The following ZNF618 variants were observed in gnomAD, a reference collection of about 807,000 sequenced individuals.
ZNF618 encodes the protein neural precursor cell expressed, developmentally down-regulated 10.
Under a neutral mutation model 103.0 loss-of-function variants are expected in ZNF618, and 34 were observed. The observed-to-expected ratio is 0.33, with a 90% CI of 0.25 to 0.44. The LOEUF is 0.44. ZNF618 is among the 20% of genes least tolerant of loss of function. The pLI is 1.00. For missense variants in ZNF618, 1,059 were observed against 1,295.4 expected (o/e 0.82, Z 2.80); for synonymous variants, 551 against 542.2 (o/e 1.02, Z -0.23).
intron 1 of ZNF618, among the ~76,000 whole-genome samples, chr9:113,877,936 C>G (rs1300401415): frequency 6.6e-6 from 1 of 151,956 alleles, no homozygotes; most frequent in African/African-American, 2.4e-5. Context: ...TTATGACATG[C>G]AACTGAATCA....
intron 13 of ZNF618, among the ~76,000 whole-genome samples, chr9:114,043,042 A>G (rs557534796): frequency 6.6e-6 from 1 of 152,260 alleles, no homozygotes; most frequent in African/African-American, 2.4e-5. Flanking sequence ...AGGTTTGTCC[A>G]TGTTCTGTGT....
At position 113,876,366 on chromosome 9, in the gene ZNF618, C is replaced by G; in HGVS notation, c.-15C>G. The G allele has an allele frequency of 1.7e-6, 2 of 1,194,816 alleles. No individual in the cohort carries two copies. The highest frequency in any genetic ancestry group is 8.3e-5 in the South Asian group (2 of 24,088). 74.0% of individuals were successfully genotyped at this position (1,194,816 alleles called of 1,614,324 possible). A position where few individuals can be genotyped will look rare whatever the true frequency, so the allele number is the denominator to read the frequency against. Reference sequence around the variant, plus strand: ...GAGCAGGACGCGCCGGGGCCGCCTCCTCCCGCACGGACCCATGAACCAGCC... The same window carrying G: ...GAGCAGGACGCGCCGGGGCCGCCTCGTCCCGCACGGACCCATGAACCAGCC... On this transcript the variant is annotated 5_prime_UTR_variant, in exon 1 of 15. Transcript: ENST00000374126.
chr9:114,056,322 T>C lies in ZNF618; in HGVS notation c.*6155T>C, dbSNP rs1347254932. 1 of 152,190 alleles carries C rather than the reference T, an allele frequency of 6.6e-6. No homozygotes were observed. Among genetic ancestry groups the C allele is most frequent in the African/African-American group, 2.4e-5 (1 of 41,462 alleles). The allele number at this position is 152,190 out of a possible 1,614,324, so 9.4% of individuals were successfully genotyped here. On this transcript the variant is annotated 3_prime_UTR_variant, in exon 15 of 15. Transcript: ENST00000374126. ...AGTAATAAAATTTAAAACTGAGCTG[T>C]TTAATGTTGCTGTTTTTACCTGTCT...
chr9:113,895,055 G>A (rs1168215084), intron 1 of ZNF618, among the ~76,000 whole-genome samples: 1 of 151,720 alleles, frequency 6.6e-6, no homozygotes, highest in Non-Finnish European at 1.5e-5. Flanking sequence ...TTGTAATCAA[G>A]TATGATATTT....
intron 10 of ZNF618, among the ~76,000 whole-genome samples, chr9:114,023,714 A>AT (rs1421197205): frequency 2.0e-5 from 3 of 151,748 alleles, no homozygotes; most frequent in African/African-American, 7.2e-5. Flanking sequence ...TTTTTGAAGG[A>AT]TTTTTTTTCT....
At chr9:113,929,275 A>G (rs1445520551) in intron 1 of ZNF618, among the ~76,000 whole-genome samples, 2 of 152,150 alleles carry the variant, frequency 1.3e-5, no homozygotes, top group Non-Finnish European at 2.9e-5. Context: ...AAACGTTCCT[A>G]CCAGTTACCA....
intron 1 of ZNF618, among the ~76,000 whole-genome samples, chr9:113,940,787 A>T (rs532097812): frequency 6.6e-6 from 1 of 152,148 alleles, no homozygotes; most frequent in Non-Finnish European, 1.5e-5. Flanking sequence ...AACATCTGGC[A>T]TCTCTGTAAT....
intron 13 of ZNF618, among the ~76,000 whole-genome samples, chr9:114,041,520 G>A (rs1370638293): frequency 6.6e-6 from 1 of 152,186 alleles, no homozygotes; most frequent in Non-Finnish European, 1.5e-5. Flanking sequence ...GTGTAAGGAA[G>A]GGATCCAGTT....
chr9:114,005,563 G>T (rs1841667120), intron 6 of ZNF618, among the ~76,000 whole-genome samples: 1 of 152,208 alleles, frequency 6.6e-6, no homozygotes, highest in Non-Finnish European at 1.5e-5. Flanking sequence ...AAGTGGGCAG[G>T]TGGCGGCAGA....
chr9:113,900,716 A>T (rs878968853), intron 1 of ZNF618, among the ~76,000 whole-genome samples: 6 of 109,238 alleles, frequency 5.5e-5, no homozygotes, highest in African/African-American at 1.1e-4. Context: ...CCTCTCCCGC[A>T]AACCCGACCT....
chr9:113,901,651 G>A (rs894798062), intron 1 of ZNF618, among the ~76,000 whole-genome samples: 1 of 152,278 alleles, frequency 6.6e-6, no homozygotes, highest in East Asian at 1.9e-4. Flanking sequence ...CCAGCCAGGG[G>A]ACAGGGTTAT....
At chr9:114,042,052 G>A (rs1191193485) in intron 13 of ZNF618, among the ~76,000 whole-genome samples, 3 of 152,092 alleles carry the variant, frequency 2.0e-5, no homozygotes, top group Non-Finnish European at 4.4e-5. Context: ...CACATCCCTT[G>A]TAAGTTGGAT....
chr9:113,974,294 G>A (rs1838282867), intron 2 of ZNF618, among the ~76,000 whole-genome samples: 1 of 152,196 alleles, frequency 6.6e-6, no homozygotes, highest in Non-Finnish European at 1.5e-5. Flanking sequence ...CAGTCATTTG[G>A]GAGAAGTGCA....
chr9:113,878,614 G>A (rs1403343778), intron 1 of ZNF618, among the ~76,000 whole-genome samples: 1 of 152,126 alleles, frequency 6.6e-6, no homozygotes, highest in Non-Finnish European at 1.5e-5. Context: ...AACTTGCTGG[G>A]GATTTTGAGC....
chr9:113,986,883 C>G (rs9696305), intron 2 of ZNF618, among the ~76,000 whole-genome samples: 88,038 of 152,026 alleles, frequency 0.58, 25,759 homozygotes, highest in Middle Eastern at 0.78. Context: ...AACCCATGCT[C>G]CTGTGATAAA....
chr9:113,943,673 A>G (rs1834749035), intron 1 of ZNF618, among the ~76,000 whole-genome samples: 1 of 151,206 alleles, frequency 6.6e-6, no homozygotes, highest in Non-Finnish European at 1.5e-5. Context: ...CCACTAATTG[A>G]AAAAAAAAGG....
intron 2 of ZNF618, among the ~76,000 whole-genome samples, chr9:113,971,420 T>A (rs549730050): frequency 1.3e-5 from 2 of 152,260 alleles, no homozygotes; most frequent in South Asian, 4.2e-4. Flanking sequence ...CCCACTTTCC[T>A]CCCACTTTCA....
At chr9:114,022,682 C>G (rs1467552063) in intron 10 of ZNF618, among the ~76,000 whole-genome samples, 4 of 145,822 alleles carry the variant, frequency 2.7e-5, no homozygotes, top group African/African-American at 5.1e-5. Context: ...TCTCTATACT[C>G]TTTCCCACTT....
intron 3 of ZNF618, among the ~76,000 whole-genome samples, chr9:113,990,039 G>C (rs1344734081): frequency 1.3e-5 from 2 of 152,218 alleles, no homozygotes. Context: ...CTTGCTTCTG[G>C]TCTTCCCAGA....
Sources: allele counts gnomAD v4.1 joint callset (sites outside exome capture counted in the v4.1 genomes callset), GRCh38; gene constraint gnomAD v4.1.1; transcripts MANE v1.5; gene names NCBI Gene and HGNC (gene_info 2026-07-23, HGNC 2026-07-21).